The following DYNC2LI1 variants were observed in gnomAD, a reference collection of about 807,000 sequenced individuals.
DYNC2LI1 encodes the protein dynein cytoplasmic 2 light intermediate chain 1.
In DYNC2LI1, 45 loss-of-function variants were observed where a neutral mutation model predicts 51.9. That is an observed-to-expected ratio of 0.87 (90% CI 0.68 to 1.11). The LOEUF (loss-of-function observed/expected upper bound fraction) is 1.11. Ranked by LOEUF, DYNC2LI1 falls within the 50% of genes most tolerant of loss-of-function variation. The probability of loss-of-function intolerance (pLI) is 0.00; values close to 1 mark genes in which losing one functional copy is unlikely to be tolerated. For missense variants in DYNC2LI1, 490 were observed against 417.4 expected (o/e 1.17, Z -1.51); for synonymous variants, 130 against 137.8 (o/e 0.94, Z 0.40).
At chr2:43,806,304 C>G (rs1211435134) in intron 12 of DYNC2LI1, among the ~76,000 whole-genome samples, 1 of 152,128 alleles carries the variant, frequency 6.6e-6, no homozygotes, top group Non-Finnish European at 1.5e-5. Flanking sequence ...GATCGAAAGC[C>G]CCAGCAACTT....
intron 5 of DYNC2LI1, chr2:43,792,878 C>G (rs866939007): frequency 1.5e-6 from 2 of 1,375,668 alleles, no homozygotes; most frequent in Middle Eastern, 1.9e-4. Flanking sequence ...AAACAAATAC[C>G]ACAGTTCAGT....
At chr2:43,785,451 G>A (rs906205448) in intron 3 of DYNC2LI1, among the ~76,000 whole-genome samples, 3 of 151,932 alleles carry the variant, frequency 2.0e-5, no homozygotes, top group Non-Finnish European at 2.9e-5. Context: ...CACAAATATT[G>A]GGGTGGGTGC....
chr2:43,822,483 C>A, the DYNC2LI1 span: 20 of 906,686 alleles, frequency 2.2e-5, no homozygotes, highest in African/African-American at 5.5e-5. Flanking sequence ...CCCAGGCCCC[C>A]CCCCATGCAC....
intron 2 of DYNC2LI1, among the ~76,000 whole-genome samples, chr2:43,782,113 C>T (rs183544769): frequency 1.2e-3 from 188 of 151,812 alleles, no homozygotes; most frequent in African/African-American, 4.5e-3. Flanking sequence ...TTTACTATGT[C>T]AGTAAGTATA....
At chr2:43,827,902 G>C in the DYNC2LI1 span, 1 of 1,589,770 alleles carries the variant, frequency 6.3e-7, no homozygotes, top group Non-Finnish European at 8.6e-7. Flanking sequence ...AATGAGGACC[G>C]TGAAGAAAGG....
the DYNC2LI1 span, among the ~76,000 whole-genome samples, chr2:43,823,622 G>C: frequency 1.4e-4 from 21 of 152,156 alleles, no homozygotes; most frequent in African/African-American, 5.1e-4. Context: ...AGATGGCCAA[G>C]ATGAGATAGG....
intron 1 of DYNC2LI1, 148 bp from the exon 2 acceptor site, chr2:43,776,631 ATCC>A: frequency 3.7e-6 from 2 of 540,126 alleles, no homozygotes; most frequent in Non-Finnish European, 6.6e-6. Flanking sequence ...AGAATGACTA[ATCC>A]TCAGATGTTT....
intron 12 of DYNC2LI1, among the ~76,000 whole-genome samples, chr2:43,806,869 C>G (rs1415137792): frequency 3.9e-5 from 6 of 152,130 alleles, no homozygotes; most frequent in African/African-American, 1.4e-4. Context: ...CAGCAGATCA[C>G]CAATTCCTGT....
chr2:43,779,150 C>T (rs1673161379), intron 2 of DYNC2LI1, among the ~76,000 whole-genome samples: 2 of 152,012 alleles, frequency 1.3e-5, no homozygotes. Flanking sequence ...GTAGTCCCAG[C>T]TACGTGGAAG....
chr2:43,794,423 G>A lies in DYNC2LI1; in HGVS notation c.321-34G>A, dbSNP rs774670800. ...AGGATTTCAAAATGGTAATTATTTT[G>A]AGTCTTTTTTGAAAAGTGTTTTTAT... On this transcript the variant is annotated intron_variant, in intron 5 of 12. Transcript: ENST00000260605. 9.6e-6 allele frequency: 15 copies of A among 1,565,852 alleles called. No individual in the cohort carries two copies. In the Admixed American group the frequency reaches 1.7e-4, roughly 18 times the overall value.
chr2:43,812,169 G>C (rs1666513163), downstream of DYNC2LI1, among the ~76,000 whole-genome samples: 1 of 152,018 alleles, frequency 6.6e-6, no homozygotes, highest in African/African-American at 2.4e-5. Context: ...TTCCACATCA[G>C]CCTCCTGAGC....
intron 8 of DYNC2LI1, among the ~76,000 whole-genome samples, chr2:43,797,883 T>C (rs1665937674): frequency 6.6e-6 from 1 of 152,104 alleles, no homozygotes; most frequent in Non-Finnish European, 1.5e-5. Context: ...CCTAACACTT[T>C]GGGAGGCTAA....
At chr2:43,825,930 C>T in the DYNC2LI1 span, among the ~76,000 whole-genome samples, 1 of 152,012 alleles carries the variant, frequency 6.6e-6, no homozygotes, top group Non-Finnish European at 1.5e-5. Context: ...ATCCTTTGCT[C>T]TTCCCCTCTC....
chr2:43,825,028 C>A, the DYNC2LI1 span: 1,910 of 1,613,330 alleles, frequency 1.2e-3, 22 homozygotes, highest in African/African-American at 0.023. Flanking sequence ...GCTGACCAGA[C>A]AACAGACGTA....
chr2:43,815,910 G>GA, the DYNC2LI1 span, among the ~76,000 whole-genome samples: 3,319 of 104,064 alleles, frequency 0.032, 125 homozygotes, highest in African/African-American at 0.09. Flanking sequence ...AACAGGAAAA[G>GA]AAAAAAAAAA....
At chr2:43,806,476 T>C (rs1213341037) in intron 12 of DYNC2LI1, among the ~76,000 whole-genome samples, 1 of 152,122 alleles carries the variant, frequency 6.6e-6, no homozygotes, top group Non-Finnish European at 1.5e-5. Context: ...AAATATGCCA[T>C]GAATATTTAG....
chr2:43,826,024 A>G, the DYNC2LI1 span, among the ~76,000 whole-genome samples: 1 of 151,996 alleles, frequency 6.6e-6, no homozygotes, highest in Non-Finnish European at 1.5e-5. Context: ...CACCCAGGCT[A>G]GAGTGCAATG....
the DYNC2LI1 span, chr2:43,822,888 A>G: frequency 6.2e-7 from 1 of 1,614,162 alleles, no homozygotes; most frequent in African/African-American, 1.3e-5. Context: ...CACTTCTGGT[A>G]GAGGCCGTCC....
At chr2:43,785,049 G>C (rs1320854606) in intron 3 of DYNC2LI1, among the ~76,000 whole-genome samples, 1 of 152,074 alleles carries the variant, frequency 6.6e-6, no homozygotes, top group Non-Finnish European at 1.5e-5. Flanking sequence ...TGTAATCCTA[G>C]CACTTTGGGA....
Sources: gnomAD v4.1 joint callset for allele counts (sites outside exome capture counted in the v4.1 genomes callset) on GRCh38, gnomAD v4.1.1 for gene constraint, MANE v1.5 for transcripts, NCBI Gene and HGNC (gene_info 2026-07-23, HGNC 2026-07-21) for gene names.